The following SBF2 variants were observed in gnomAD, a reference collection of about 807,000 sequenced individuals.
SBF2 encodes SET binding factor 2.
SBF2 carries 112 observed loss-of-function variants against 225.2 expected under a neutral mutation model. The ratio of observed to expected loss-of-function variants is 0.50; its 90% CI spans 0.43 to 0.58. SBF2 has a LOEUF of 0.58. Among genes scored for constraint, SBF2 ranks in the 20% least tolerant of loss-of-function variants. The pLI is 0.00. For missense variants in SBF2, 1,996 were observed against 2,206.2 expected (o/e 0.90, Z 1.91); for synonymous variants, 763 against 773.3 (o/e 0.99, Z 0.22).
intron 16 of SBF2, among the ~76,000 whole-genome samples, chr11:9,938,483 C>G (rs1387072729): frequency 2.0e-5 from 3 of 148,546 alleles, no homozygotes; most frequent in Non-Finnish European, 4.5e-5. Flanking sequence ...AAAAAAAAAT[C>G]AATGTAGGAT....
At chr11:10,012,868 A>T (rs1333964750) in intron 6 of SBF2, among the ~76,000 whole-genome samples, 3 of 151,938 alleles carry the variant, frequency 2.0e-5, no homozygotes, top group Non-Finnish European at 4.4e-5. Flanking sequence ...CTGGTTTAAA[A>T]TTTTTTATTT....
chr11:9,796,034 C>T (rs1853100901), intron 32 of SBF2, 77 bp from the exon 33 acceptor site: 1 of 1,407,060 alleles, frequency 7.1e-7, no homozygotes, highest in African/African-American at 1.4e-5. Context: ...GAAGGCTTAA[C>T]TGAAACATGC....
intron 2 of SBF2, among the ~76,000 whole-genome samples, chr11:10,141,193 A>G (rs1954623980): frequency 1.3e-5 from 2 of 152,196 alleles, no homozygotes; most frequent in South Asian, 4.1e-4. Context: ...TTGTATTCAG[A>G]AAAGGTTTAT....
intron 2 of SBF2, among the ~76,000 whole-genome samples, chr11:10,075,071 T>A (rs1951040258): frequency 6.6e-6 from 1 of 152,210 alleles, no homozygotes. Context: ...AGAAGTTGGA[T>A]GGCAATTTAT....
Position 9,781,941 on chromosome 11 carries a change from T to C in SBF2, c.5320-303A>G, listed in dbSNP as rs529206112. On this transcript the variant is annotated intron_variant, in intron 38 of 39. Coordinates refer to ENST00000256190, the MANE Select transcript of SBF2 (RefSeq NM_030962.4). ...TTTATGCCTGTAATCCCAGTCCTTT[T>C]TGGGAGGTGAAGGTGGACGGATCAC... is the stretch of plus-strand genomic sequence containing the variant. 4.7e-4 allele frequency among the ~76,000 whole-genome samples: 72 copies of C among 152,136 alleles called. 1 individual carries two copies. Among genetic ancestry groups the C allele is most frequent in the Middle Eastern group, 3.4e-3 (1 of 294 alleles).
At chr11:9,966,795 A>T (rs1249816743) in intron 14 of SBF2, among the ~76,000 whole-genome samples, 1 of 152,220 alleles carries the variant, frequency 6.6e-6, no homozygotes, top group Non-Finnish European at 1.5e-5. Context: ...CAGTGGCTGA[A>T]ATTAGAACGA....
intron 2 of SBF2, among the ~76,000 whole-genome samples, chr11:10,167,300 T>A (rs1284640224): frequency 1.3e-5 from 2 of 152,320 alleles, no homozygotes; most frequent in Admixed American, 6.5e-5. Flanking sequence ...AGTAATTTGT[T>A]AAGATTAAAA....
At position 10,061,027 on chromosome 11, in the gene SBF2, C is replaced by CA. The variant is rs899231273; in HGVS notation, c.142-18047dup. 1.1e-3 allele frequency among the ~76,000 whole-genome samples: 167 copies of CA among 148,300 alleles called. 1 individual carries two copies. The highest frequency in any genetic ancestry group is 0.011 in the South Asian group (52 of 4,684). On this transcript the variant is annotated intron_variant, in intron 2 of 39. Coordinates refer to ENST00000256190, the MANE Select transcript of SBF2 (RefSeq NM_030962.4). ...TGAGCAACAGAGCGAGACTCCATCT[C>CA]AAAAAAAAATAAATAAATAAACAAA...
intron 1 of SBF2, among the ~76,000 whole-genome samples, chr11:10,231,974 C>A (rs553798097): frequency 6.6e-6 from 1 of 152,360 alleles, no homozygotes; most frequent in African/African-American, 2.4e-5. Context: ...AGCTTCCCGG[C>A]CGCTTTGTTT....
intron 2 of SBF2, among the ~76,000 whole-genome samples, chr11:10,181,557 C>G (rs973766144): frequency 2.0e-5 from 3 of 152,048 alleles, no homozygotes; most frequent in Non-Finnish European, 2.9e-5. Context: ...GTACATTTTA[C>G]TAAGGACTTT....
At chr11:10,101,855 CATGGGTTTAGGACCCCT>C (rs1385483869) in intron 2 of SBF2, among the ~76,000 whole-genome samples, 1 of 152,072 alleles carries the variant, frequency 6.6e-6, no homozygotes, top group Non-Finnish European at 1.5e-5. Flanking sequence ...CAGGATAGAA[CATGGGTTTAGGACCCCT>C]ATAAGCCTAC....
intron 6 of SBF2, among the ~76,000 whole-genome samples, chr11:10,005,410 G>A (rs910088923): frequency 2.6e-5 from 4 of 151,994 alleles, no homozygotes; most frequent in South Asian, 2.1e-4. Flanking sequence ...GCAAGACCCC[G>A]GACACATGAC....
At chr11:10,184,416 T>C (rs948874616) in intron 2 of SBF2, among the ~76,000 whole-genome samples, 17 of 152,336 alleles carry the variant, frequency 1.1e-4, no homozygotes, top group Admixed American at 1.1e-3. Flanking sequence ...TTCATTTCAG[T>C]ACATAAAGCT....
At chr11:9,934,717 T>C (rs11953626) in intron 16 of SBF2, among the ~76,000 whole-genome samples, 1 of 152,138 alleles carries the variant, frequency 6.6e-6, no homozygotes, top group Non-Finnish European at 1.5e-5. Context: ...CATGATTATC[T>C]CAACAGATGC....
chr11:9,823,673 T>C (rs550247702), intron 28 of SBF2, among the ~76,000 whole-genome samples: 1 of 152,340 alleles, frequency 6.6e-6, no homozygotes, highest in East Asian at 1.9e-4. Flanking sequence ...CCAGTCTAAA[T>C]GTGTGTCTGC....
intron 6 of SBF2, among the ~76,000 whole-genome samples, chr11:10,008,756 G>C (rs1948309125): frequency 6.6e-6 from 1 of 152,222 alleles, no homozygotes; most frequent in African/African-American, 2.4e-5. Context: ...TTTGTCTTGA[G>C]CTGAGGGGGG....
At chr11:9,995,183 C>T (rs181094871) in intron 9 of SBF2, among the ~76,000 whole-genome samples, 28 of 152,152 alleles carry the variant, frequency 1.8e-4, no homozygotes, top group African/African-American at 6.0e-4. Context: ...ATTAATTCAA[C>T]TTAGGGAAGA....
chr11:10,211,499 C>A (rs962017803), intron 1 of SBF2, among the ~76,000 whole-genome samples: 2 of 152,222 alleles, frequency 1.3e-5, no homozygotes, highest in Non-Finnish European at 2.9e-5. Flanking sequence ...AGAAATTTCA[C>A]TAAGGTGTCA....
rs1247694809 is a variant in SBF2, at chr11:10,193,992, T to G, written c.56-5A>C. Reference sequence around the variant, plus strand: ...TCCCCAGACCTTCTCCTGATCCTGTTAATAAAATCAAAGTGAATCATTATT... The same window carrying G: ...TCCCCAGACCTTCTCCTGATCCTGTGAATAAAATCAAAGTGAATCATTATT... On this transcript the variant is annotated splice_region_variant and splice_polypyrimidine_tract_variant and intron_variant, in intron 1 of 39. Transcript: ENST00000256190. 2 of 1,591,052 alleles carry G rather than the reference T, an allele frequency of 1.3e-6. No individual in the cohort carries two copies. Among genetic ancestry groups the G allele is most frequent in the African/African-American group, 1.3e-5 (1 of 74,496 alleles).
Sources: gnomAD v4.1 joint callset for allele counts (sites outside exome capture counted in the v4.1 genomes callset) on GRCh38, gnomAD v4.1.1 for gene constraint, MANE v1.5 for transcripts, NCBI Gene and HGNC (gene_info 2026-07-23, HGNC 2026-07-21) for gene names.